The following XBP1 variants were observed in gnomAD, a reference collection of about 807,000 sequenced individuals.
XBP1 encodes the protein X-box-binding protein 1.
XBP1 carries 18 observed loss-of-function variants against 34.6 expected under a neutral mutation model. That is an observed-to-expected ratio of 0.52 (90% CI 0.36 to 0.77). XBP1 has a LOEUF of 0.77. Among genes scored for constraint, XBP1 ranks in the 30% least tolerant of loss-of-function variants. The pLI is 0.00. For synonymous variants in XBP1, 191 were observed against 193.4 expected, an observed-to-expected ratio of 0.99 and a Z score of 0.11; for missense variants, 422 against 464.6, an observed-to-expected ratio of 0.91 and a Z score of 0.84.
chr22:28,796,352 A>T (rs2031752700), intron 3 of XBP1, 160 bp from the exon 4 acceptor site: 3 of 620,764 alleles, frequency 4.8e-6, no homozygotes, highest in Non-Finnish European at 5.0e-6. Context: ...ATTATTGAGA[A>T]GAGCAAGATA....
chr22:28,798,624 T>C (rs572157814), intron 2 of XBP1, among the ~76,000 whole-genome samples: 53 of 137,958 alleles, frequency 3.8e-4, no homozygotes, highest in African/African-American at 1.5e-3. Context: ...TTTTTTTTTT[T>C]CTTGAGACAG....
chr22:28,799,223 AC>A, intron 1 of XBP1, 70 bp from the exon 2 acceptor site: 2 of 1,210,276 alleles, frequency 1.7e-6, no homozygotes, highest in Non-Finnish European at 2.4e-6. Context: ...TGAAAACTTT[AC>A]CAGCTGGTGC....
At chr22:28,795,446 A>G in exon 6 of XBP1, 1 of 1,604,978 alleles carries the variant, frequency 6.2e-7, no homozygotes. Context: ...TGAGGGGCTG[A>G]GAGGTGCTTC....
At chr22:28,796,544 T>TACGGC in intron 3 of XBP1, 1 of 195,368 alleles carries the variant, frequency 5.1e-6, no homozygotes, top group Admixed American at 5.3e-5. Flanking sequence ...TCTTGAAATT[T>TACGGC]GTCCTGAACA....
rs371883048 is a variant in XBP1, at chr22:28,797,896, G to A, written c.325-691C>T. 3.2e-3 allele frequency among the ~76,000 whole-genome samples: 485 copies of A among 151,968 alleles called. 3 individuals are homozygous for A. The highest frequency in any genetic ancestry group is 6.9e-3 in the Middle Eastern group (2 of 290). On this transcript the variant is annotated intron_variant, in intron 2 of 5. Transcript: ENST00000344347. The stretch of plus-strand genomic sequence containing the variant: ...AGTGGTGACTATAAATCCAAAATAA[G>A]TTAAAAAAAATCCCTGCTCCTGACT...
In XBP1 at chr22:28,795,526, A is replaced by G. The variant is rs1363741532; in HGVS notation, c.780T>C (p.Tyr260=). The change falls in exon 6 of 6, where the codon TAT becomes TAC. Residue 260 remains tyrosine, a synonymous_variant. Transcript: ENST00000344347. ...GTATCTCTAAGACTAGGGGCTTGGTATATATGTGGTCAAAACGAATTAGTT... is the reference window on the plus strand; with the variant it reads ...GTATCTCTAAGACTAGGGGCTTGGTGTATATGTGGTCAAAACGAATTAGTT... 5 of 1,614,058 alleles carry G rather than the reference A, an allele frequency of 3.1e-6. No homozygotes were observed. The South Asian group carries it at 4.4e-5, about 14-fold the overall frequency.
exon 6 of XBP1, chr22:28,795,533 T>C (rs751943919): frequency 6.2e-7 from 1 of 1,614,162 alleles, no homozygotes; most frequent in East Asian, 2.2e-5. Flanking sequence ...GGTATATATG[T>C]GGTCAAAACG....
At chr22:28,796,007 C>G (rs997809954) in intron 5 of XBP1, 40 bp downstream of exon 5, 3 of 1,611,894 alleles carry the variant, frequency 1.9e-6, no homozygotes, top group Non-Finnish European at 2.5e-6. Flanking sequence ...ATGGAATTAA[C>G]TGGTTATATA....
chr22:28,800,230 C>T, intron 1 of XBP1, 68 bp downstream of exon 1: 2 of 1,504,642 alleles, frequency 1.3e-6, no homozygotes, highest in South Asian at 1.2e-5. Flanking sequence ...CCGCTCCCAG[C>T]CCCTGCCCCT....
chr22:28,800,433 G>A, exon 1 of XBP1: 2 of 1,483,364 alleles, frequency 1.3e-6, no homozygotes, highest in South Asian at 1.3e-5. Context: ...CTGGCCGGCC[G>A]GGGCTCCGGC....
Position 28,799,101 on chromosome 22 carries a change from G to A in XBP1, c.280C>T (p.Arg94Ter), listed in dbSNP as rs2031812251. 5.0e-6 allele frequency: 8 copies of A among 1,613,856 alleles called. No homozygotes were observed. Among genetic ancestry groups the A allele is most frequent in the Non-Finnish European group, 5.9e-6 (7 of 1,179,984 alleles). ...ACTTGCTGTTCCAGCTCACTCATTC[G>A]AGCCTTCTTTCGATCTCTGGCAGTC... The change falls in exon 2 of 6, where the codon CGA (arginine) becomes TGA (stop). Residue 94 changes from arginine to a stop codon, truncating the protein, a stop_gained. Coordinates refer to ENST00000344347, the Ensembl canonical transcript of XBP1. LOFTEE classifies it high-confidence loss of function.
chr22:28,795,846 A>G, intron 5 of XBP1, 114 bp from the exon 6 acceptor site: 8 of 1,255,958 alleles, frequency 6.4e-6, no homozygotes, highest in Non-Finnish European at 8.7e-6. Flanking sequence ...TGATAAGATG[A>G]CCTCGGGACC....
exon 4 of XBP1, chr22:28,796,173 A>G (rs1217180821): frequency 6.3e-7 from 1 of 1,578,796 alleles, no homozygotes; most frequent in Non-Finnish European, 8.6e-7. Context: ...AGACCCGGCC[A>G]CTGGCCTCAC....
intron 1 of XBP1, chr22:28,800,062 G>T (rs2031843511): frequency 6.5e-6 from 5 of 771,492 alleles, no homozygotes; most frequent in Admixed American, 1.8e-5. Flanking sequence ...TCTCTAACGA[G>T]AGAGTTAAAA....
intron 2 of XBP1, chr22:28,798,807 G>T: frequency 4.9e-6 from 1 of 203,876 alleles, no homozygotes; most frequent in Non-Finnish European, 9.4e-6. Flanking sequence ...TTTGGGTAGA[G>T]ACGGGATTTT....
At chr22:28,796,940 G>T in intron 3 of XBP1, 137 bp downstream of exon 3, 2 of 1,091,014 alleles carry the variant, frequency 1.8e-6, no homozygotes, top group Middle Eastern at 2.9e-4. Context: ...CACTCTGCCT[G>T]CATGAAAATG....
At chr22:28,800,211 G>C in intron 1 of XBP1, 87 bp downstream of exon 1, 1 of 1,457,518 alleles carries the variant, frequency 6.9e-7, no homozygotes, top group Non-Finnish European at 9.3e-7. Flanking sequence ...GGCGGCCAGT[G>C]CTGGGTCCCC....
chr22:28,795,051 G>C (rs2031718040), downstream of XBP1: 2 of 910,042 alleles, frequency 2.2e-6, no homozygotes, highest in Admixed American at 3.5e-5. Flanking sequence ...TGAACAAATA[G>C]AGGAATTCTC....
intron 3 of XBP1, 187 bp from the exon 4 acceptor site, chr22:28,796,379 T>G: frequency 4.0e-6 from 2 of 497,400 alleles, no homozygotes; most frequent in Non-Finnish European, 6.5e-6. Flanking sequence ...TTGCCAGTTC[T>G]GCTTGAATCT....
Sources: allele counts gnomAD v4.1 joint callset (sites outside exome capture counted in the v4.1 genomes callset), GRCh38; gene constraint gnomAD v4.1.1; transcripts MANE v1.5; gene names NCBI Gene and HGNC (gene_info 2026-07-23, HGNC 2026-07-21).